The following MAN2A1 variants were observed in gnomAD, a reference collection of about 807,000 sequenced individuals.
MAN2A1 encodes mannosidase alpha class 2A member 1, also known as alpha-mannosidase 2.
A neutral mutation model predicts 142.6 loss-of-function variants in MAN2A1; 76 were observed. That is an observed-to-expected ratio of 0.53 (90% CI 0.44 to 0.65). MAN2A1 has a LOEUF of 0.65. MAN2A1 is among the 30% of genes least tolerant of loss of function. MAN2A1 has a pLI of 0.00. For synonymous variants in MAN2A1, 559 were observed against 473.2 expected, an observed-to-expected ratio of 1.18 and a Z score of -2.35; for missense variants, 1,311 against 1,365.1, an observed-to-expected ratio of 0.96 and a Z score of 0.62.
intron 12 of MAN2A1, chr5:109,804,266 C>A: frequency 2.0e-6 from 2 of 987,452 alleles, no homozygotes; most frequent in Non-Finnish European, 2.4e-6. Flanking sequence ...CAGAACACCT[C>A]ACAACTTTGT....
intron 7 of MAN2A1, 39 bp downstream of exon 7, chr5:109,770,580 A>C: frequency 6.3e-7 from 1 of 1,577,646 alleles, no homozygotes; most frequent in Non-Finnish European, 8.7e-7. Context: ...CATCTTGAAT[A>C]AAGTAGCCAC....
At chr5:109,780,510 CTGTGTGTG>C (rs113661582) in intron 8 of MAN2A1, among the ~76,000 whole-genome samples, 36 of 143,772 alleles carry the variant, frequency 2.5e-4, no homozygotes, top group African/African-American at 7.3e-4. Context: ...CTTGCAATAT[CTGTGTGTG>C]TGTGTGTGTG....
rs564714211 is a variant in MAN2A1, at chr5:109,840,719, C to T, written c.2567-1609C>T. ...TTCCAGAAGGACCGATCCAGTATGG[C>T]CCAAGGGGGATGGAAGGGAAACTGC... is the stretch of plus-strand genomic sequence containing the variant. On this transcript the variant is annotated intron_variant, in intron 16 of 21. Coordinates refer to ENST00000261483, the MANE Select transcript of MAN2A1 (RefSeq NM_002372.4). 1.1e-5 allele frequency: 4 copies of T among 380,532 alleles called. No individual in the cohort carries two copies. The East Asian group carries it at 3.0e-4, about 29-fold the overall frequency. The allele number at this position is 380,532 out of a possible 1,614,324, so 23.6% of individuals were successfully genotyped here.
intron 4 of MAN2A1, among the ~76,000 whole-genome samples, chr5:109,749,108 C>T (rs1315814440): frequency 3.3e-5 from 5 of 152,008 alleles, no homozygotes; most frequent in Non-Finnish European, 5.9e-5. Context: ...ATTAGAAATT[C>T]AGCTGGTTTT....
intron 12 of MAN2A1, among the ~76,000 whole-genome samples, chr5:109,794,895 G>A (rs540589359): frequency 1.1e-4 from 17 of 151,930 alleles, no homozygotes; most frequent in Admixed American, 7.9e-4. Flanking sequence ...TTTTTTCAAG[G>A]TATAGGTTGG....
intron 12 of MAN2A1, among the ~76,000 whole-genome samples, chr5:109,799,895 C>T (rs1391230409): frequency 6.6e-6 from 1 of 152,088 alleles, no homozygotes; most frequent in South Asian, 2.1e-4. Flanking sequence ...TGAGACCAGC[C>T]TGGCCAACAT....
intron 1 of MAN2A1, among the ~76,000 whole-genome samples, chr5:109,703,779 G>T (rs760255737): frequency 9.2e-5 from 14 of 152,154 alleles, no homozygotes; most frequent in Non-Finnish European, 1.6e-4. Flanking sequence ...TACACATTTT[G>T]CCCTAGTTAT....
rs79037769 is a variant in MAN2A1, at chr5:109,841,704, C to T, written c.2567-624C>T. Among the ~76,000 whole-genome samples the T allele has an allele frequency of 9.5e-3, 1,440 of 152,288 alleles. 21 individuals carry two copies. The highest frequency in any genetic ancestry group is 0.033 in the African/African-American group (1,356 of 41,560). The stretch of plus-strand genomic sequence containing the variant: ...TAACAAAGGACAAAATGGATCATTT[C>T]ATAACAAGGAGTCCTAAGAGATAAC... On this transcript the variant is annotated intron_variant, in intron 16 of 21. Coordinates refer to ENST00000261483, the MANE Select transcript of MAN2A1 (RefSeq NM_002372.4).
intron 16 of MAN2A1, chr5:109,840,567 C>T: frequency 2.0e-6 from 1 of 505,736 alleles, no homozygotes; most frequent in Non-Finnish European, 3.9e-6. Context: ...CTGTCTCCTG[C>T]TCTTTGTTTC....
At chr5:109,759,988 T>C (rs2112634555) in intron 5 of MAN2A1, among the ~76,000 whole-genome samples, 1 of 152,034 alleles carries the variant, frequency 6.6e-6, no homozygotes, top group South Asian at 2.1e-4. Flanking sequence ...GATAGATAGA[T>C]AGATAGATAG....
Position 109,842,173 on chromosome 5 carries a change from T to G in MAN2A1, c.2567-155T>G, listed in dbSNP as rs548574305. ...TTCTGATAGTTTTTAAAAAGAAAAGTTAAATTGTCATAGCATTTATTATAT... is the reference window on the plus strand; with the variant it reads ...TTCTGATAGTTTTTAAAAAGAAAAGGTAAATTGTCATAGCATTTATTATAT... On this transcript the variant is annotated intron_variant, in intron 16 of 21. Transcript: ENST00000261483. Among the ~76,000 whole-genome samples the G allele has an allele frequency of 2.4e-3, 369 of 152,322 alleles. 2 individuals carry two copies. The highest frequency in any genetic ancestry group is 8.5e-3 in the South Asian group (41 of 4,826).
intron 12 of MAN2A1, among the ~76,000 whole-genome samples, chr5:109,797,231 T>C (rs1027084332): frequency 6.6e-6 from 1 of 152,116 alleles, no homozygotes; most frequent in Non-Finnish European, 1.5e-5. Context: ...ATTAAAATGA[T>C]TTATTACAGA....
chr5:109,862,227 C>G (rs1755776178), intron 20 of MAN2A1: 1 of 152,148 alleles, frequency 6.6e-6, no homozygotes, highest in Non-Finnish European at 1.5e-5. Context: ...AATCATTGGT[C>G]TGATCCAGCT....
chr5:109,797,673 A>T (rs1283321460), intron 12 of MAN2A1, among the ~76,000 whole-genome samples: 2 of 152,152 alleles, frequency 1.3e-5, no homozygotes, highest in African/African-American at 2.4e-5. Context: ...CTGAGCTGAA[A>T]AGGCCTCCCT....
chr5:109,775,350 A>G (rs1290066258), intron 8 of MAN2A1, among the ~76,000 whole-genome samples: 2 of 152,188 alleles, frequency 1.3e-5, no homozygotes, highest in Non-Finnish European at 2.9e-5. Context: ...ATTTAGTAGC[A>G]TGACTGGCAG....
At chr5:109,788,535 A>G (rs1302981542) in intron 10 of MAN2A1, among the ~76,000 whole-genome samples, 1 of 151,892 alleles carries the variant, frequency 6.6e-6, no homozygotes. Context: ...GAGCTGAATT[A>G]TCTCATGTTT....
At chr5:109,799,642 T>C (rs1753961375) in intron 12 of MAN2A1, among the ~76,000 whole-genome samples, 1 of 151,544 alleles carries the variant, frequency 6.6e-6, no homozygotes, top group Non-Finnish European at 1.5e-5. Context: ...GAATCCCAGC[T>C]ACTTGGGAGG....
intron 16 of MAN2A1, among the ~76,000 whole-genome samples, chr5:109,833,690 G>T (rs1285642156): frequency 6.7e-6 from 1 of 150,226 alleles, no homozygotes; most frequent in Non-Finnish European, 1.5e-5. Flanking sequence ...GGGAGACTGT[G>T]GGGAGGGGGA....
At chr5:109,805,001 T>C (rs1373093676) in intron 12 of MAN2A1, among the ~76,000 whole-genome samples, 1 of 152,228 alleles carries the variant, frequency 6.6e-6, no homozygotes, top group Non-Finnish European at 1.5e-5. Flanking sequence ...TACATTTTGA[T>C]TGAACATCAT....
Sources: allele counts gnomAD v4.1 joint callset (sites outside exome capture counted in the v4.1 genomes callset), GRCh38; gene constraint gnomAD v4.1.1; transcripts MANE v1.5; gene names NCBI Gene and HGNC (gene_info 2026-07-23, HGNC 2026-07-21).